Variants in LRP1B observed in about 807,000 individuals in gnomAD.
The protein encoded by LRP1B is low-density lipoprotein receptor-related protein 1B.
In LRP1B, 217 loss-of-function variants were observed where a neutral mutation model predicts 556.6. That is an observed-to-expected ratio of 0.39 (90% CI 0.35 to 0.44). The LOEUF (loss-of-function observed/expected upper bound fraction) is 0.44, where lower values mean the gene tolerates loss of function less well. Ranked by LOEUF, LRP1B falls within the 20% of genes least tolerant of loss-of-function variation. The pLI, the probability that LRP1B is intolerant of heterozygous loss-of-function variation, is 1.00. For synonymous variants in LRP1B, 2,047 were observed against 1,865.8 expected (o/e 1.10, Z -2.50); for missense variants, 5,053 against 5,620.8 (o/e 0.90, Z 3.23).
intron 35 of LRP1B, among the ~76,000 whole-genome samples, chr2:140,766,519 T>C (rs1559105941): frequency 6.6e-6 from 1 of 151,888 alleles, no homozygotes; most frequent in Non-Finnish European, 1.5e-5. Flanking sequence ...CATTAGGGTT[T>C]CAGTTAGTTC....
At chr2:140,301,286 T>C (rs891818370) in intron 83 of LRP1B, among the ~76,000 whole-genome samples, 6 of 152,064 alleles carry the variant, frequency 3.9e-5, no homozygotes, top group Non-Finnish European at 7.4e-5. Context: ...GATTTTAATT[T>C]TGGTACATCC....
chr2:141,320,145 T>G (rs1484315563), intron 3 of LRP1B, among the ~76,000 whole-genome samples: 4 of 152,124 alleles, frequency 2.6e-5, no homozygotes, highest in Admixed American at 2.6e-4. Flanking sequence ...CAATATATTA[T>G]GAGATTTCAT....
intron 2 of LRP1B, among the ~76,000 whole-genome samples, chr2:141,602,099 C>G (rs1460799728): frequency 6.6e-6 from 1 of 152,006 alleles, no homozygotes; most frequent in Non-Finnish European, 1.5e-5. Context: ...CCAAGAGCTC[C>G]AATTTAAGAA....
intron 1 of LRP1B, among the ~76,000 whole-genome samples, chr2:141,831,321 C>T (rs980952395): frequency 2.0e-5 from 3 of 151,608 alleles, no homozygotes; most frequent in Admixed American, 2.0e-4. Context: ...TTGTTGTAGA[C>T]ATAGATTCTG....
At chr2:140,448,704 G>A (rs1301081652) in intron 63 of LRP1B, among the ~76,000 whole-genome samples, 1 of 152,014 alleles carries the variant, frequency 6.6e-6, no homozygotes, top group African/African-American at 2.4e-5. Context: ...GTTGACTGTG[G>A]TTAAAAGTAA....
intron 1 of LRP1B, 114 bp from the exon 2 acceptor site, chr2:141,810,515 C>T: frequency 9.1e-7 from 1 of 1,093,114 alleles, no homozygotes; most frequent in Admixed American, 2.3e-5. Context: ...GAATATGATC[C>T]ACATTTTCTG....
intron 3 of LRP1B, among the ~76,000 whole-genome samples, chr2:141,364,475 A>T (rs888198688): frequency 1.3e-5 from 2 of 152,164 alleles, no homozygotes; most frequent in African/African-American, 4.8e-5. Flanking sequence ...AAATATGTAC[A>T]ATTATTATTT....
intron 60 of LRP1B, among the ~76,000 whole-genome samples, chr2:140,469,732 C>T (rs1687688429): frequency 6.6e-6 from 1 of 152,138 alleles, no homozygotes; most frequent in African/African-American, 2.4e-5. Context: ...ATTAGAGGCT[C>T]TAACAAGTAG....
intron 79 of LRP1B, among the ~76,000 whole-genome samples, chr2:140,328,448 T>G (rs1680609473): frequency 6.6e-6 from 1 of 150,868 alleles, no homozygotes; most frequent in Non-Finnish European, 1.5e-5. Flanking sequence ...GTTCCCCAAT[T>G]TCCATTGTAG....
intron 18 of LRP1B, among the ~76,000 whole-genome samples, chr2:140,973,047 TC>T (rs1276231782): frequency 1.3e-5 from 1 of 77,010 alleles, no homozygotes; most frequent in African/African-American, 4.5e-5. Flanking sequence ...TAAATATATT[TC>T]ATTTTATATA....
At chr2:141,101,198 A>T (rs1700451835) in intron 7 of LRP1B, among the ~76,000 whole-genome samples, 1 of 152,132 alleles carries the variant, frequency 6.6e-6, no homozygotes, top group African/African-American at 2.4e-5. Flanking sequence ...CCAATGTGAA[A>T]CCAGATCAAG....
At chr2:140,285,213 A>G (rs886592837) in intron 84 of LRP1B, among the ~76,000 whole-genome samples, 9 of 150,580 alleles carry the variant, frequency 6.0e-5, no homozygotes, top group African/African-American at 1.9e-4. Flanking sequence ...ATATCTATGG[A>G]TAGAGATATA....
At chr2:141,174,636 A>G (rs1680656715) in intron 7 of LRP1B, among the ~76,000 whole-genome samples, 1 of 152,118 alleles carries the variant, frequency 6.6e-6, no homozygotes, top group South Asian at 2.1e-4. Context: ...GAGTCAATTA[A>G]ACCTCTTTGC....
At chr2:140,722,861 G>C (rs1687463426) in intron 35 of LRP1B, among the ~76,000 whole-genome samples, 1 of 152,088 alleles carries the variant, frequency 6.6e-6, no homozygotes, top group Non-Finnish European at 1.5e-5. Flanking sequence ...GGCTAACATG[G>C]TGAAACTCCA....
At chr2:141,360,983 C>G (rs1688806805) in intron 3 of LRP1B, among the ~76,000 whole-genome samples, 1 of 151,934 alleles carries the variant, frequency 6.6e-6, no homozygotes, top group Non-Finnish European at 1.5e-5. Context: ...TAAGTACCTC[C>G]CCAAATAAAT....
intron 7 of LRP1B, among the ~76,000 whole-genome samples, chr2:141,086,618 TTGTGTG>T (rs10608029): frequency 0.052 from 7,644 of 147,918 alleles, 231 homozygotes; most frequent in Middle Eastern, 0.1. Context: ...AGTATAATAT[TTGTGTG>T]TGTGTGTGTG....
chr2:141,131,260 T>A lies in LRP1B; in HGVS notation c.1013+57161A>T, dbSNP rs1701344525. ...TTGGTATATCTATTCAATAAAAATTTTATGCTGCTATTAAAATGTAAAATC... is the reference window on the plus strand; with the variant it reads ...TTGGTATATCTATTCAATAAAAATTATATGCTGCTATTAAAATGTAAAATC... On this transcript the variant is annotated intron_variant, in intron 7 of 90. Coordinates refer to ENST00000389484, the MANE Select transcript of LRP1B (RefSeq NM_018557.3). Among the ~76,000 whole-genome samples the A allele has an allele frequency of 2.0e-5, 3 of 151,944 alleles. No individual in the cohort carries two copies. In the Admixed American group the frequency reaches 2.0e-4, roughly 10 times the overall value.
intron 11 of LRP1B, among the ~76,000 whole-genome samples, chr2:141,023,137 G>T (rs1292318075): frequency 2.6e-5 from 4 of 151,756 alleles, no homozygotes; most frequent in African/African-American, 9.7e-5. Context: ...GCCTTTTCTT[G>T]CATTCTGAAA....
intron 14 of LRP1B, among the ~76,000 whole-genome samples, chr2:141,011,096 A>AGAGG (rs1329677257): frequency 6.7e-6 from 1 of 149,980 alleles, no homozygotes; most frequent in Non-Finnish European, 1.5e-5. Flanking sequence ...AGAGAGAGAG[A>AGAGG]GACTGTATGG....
Sources: allele counts gnomAD v4.1 joint callset (sites outside exome capture counted in the v4.1 genomes callset), GRCh38; gene constraint gnomAD v4.1.1; transcripts MANE v1.5; gene names NCBI Gene and HGNC (gene_info 2026-07-23, HGNC 2026-07-21).